Variants in DOCK4 observed in about 807,000 individuals in gnomAD.
DOCK4 encodes the protein dedicator of cytokinesis protein 4.
Under a neutral mutation model 268.1 loss-of-function variants are expected in DOCK4, and 97 were observed. That is an observed-to-expected ratio of 0.36 (90% CI 0.31 to 0.43). DOCK4 has a LOEUF of 0.43. Among genes scored for constraint, DOCK4 ranks in the 20% least tolerant of loss-of-function variants. The pLI, the probability that DOCK4 is intolerant of heterozygous loss-of-function variation, is 1.00. For missense variants in DOCK4, 2,145 were observed against 2,455.7 expected (o/e 0.87, Z 2.67); for synonymous variants, 954 against 887.2 (o/e 1.08, Z -1.34).
intron 1 of DOCK4, among the ~76,000 whole-genome samples, chr7:112,114,763 A>G (rs1179683917): frequency 6.6e-6 from 1 of 152,246 alleles, no homozygotes; most frequent in Non-Finnish European, 1.5e-5. Context: ...AAAAAGAGGT[A>G]AAAATTACAA....
At chr7:111,888,630 GA>G (rs1461364157) in intron 16 of DOCK4, among the ~76,000 whole-genome samples, 1 of 151,988 alleles carries the variant, frequency 6.6e-6, no homozygotes, top group Non-Finnish European at 1.5e-5. Context: ...AAAACAAGAG[GA>G]CAGGAAGTTG....
intron 13 of DOCK4, among the ~76,000 whole-genome samples, chr7:111,902,917 G>A (rs539015955): frequency 3.5e-4 from 53 of 152,122 alleles, no homozygotes; most frequent in Non-Finnish European, 2.8e-4. Context: ...CTACAGGTGC[G>A]TGCCACCACG....
chr7:112,050,782 C>A (rs1159067652), intron 1 of DOCK4, among the ~76,000 whole-genome samples: 2 of 152,058 alleles, frequency 1.3e-5, no homozygotes, highest in South Asian at 2.1e-4. Flanking sequence ...GATTTTTTTA[C>A]TGATTTGAAA....
At chr7:112,143,287 G>A (rs990294512) in intron 1 of DOCK4, among the ~76,000 whole-genome samples, 4 of 152,044 alleles carry the variant, frequency 2.6e-5, no homozygotes, top group African/African-American at 9.7e-5. Context: ...TAGCTCCAGG[G>A]CCCTCCATCC....
intron 1 of DOCK4, among the ~76,000 whole-genome samples, chr7:112,054,866 A>G (rs1015172673): frequency 6.6e-6 from 1 of 152,260 alleles, no homozygotes; most frequent in Non-Finnish European, 1.5e-5. Flanking sequence ...CTTAATATAG[A>G]AAGTTAAAAT....
At chr7:112,176,276 G>A (rs975710316) in intron 1 of DOCK4, among the ~76,000 whole-genome samples, 4 of 152,212 alleles carry the variant, frequency 2.6e-5, no homozygotes, top group Middle Eastern at 6.8e-3. Flanking sequence ...AGTTGAGATC[G>A]GGAAACAGAA....
In DOCK4 at chr7:111,868,053, C is replaced by A; in HGVS notation, c.2211G>T (p.Glu737Asp). 6.2e-7 allele frequency: 1 copy of A among 1,613,540 alleles called. No homozygotes were observed. Among genetic ancestry groups the A allele is most frequent in the Non-Finnish European group, 8.5e-7 (1 of 1,179,662 alleles). The change falls in exon 22 of 53, where the codon GAG becomes GAT. Residue 737 changes from glutamate to aspartate, a missense_variant. Coordinates refer to ENST00000428084, the MANE Select transcript of DOCK4 (RefSeq NM_001363540.2). ...GAAAGAAACGGACTGACATGAGAAG[C>A]TCCTGAATGCAGCAGCGGAACTCCT... ...NEEEFRCCIQ[E>D]LLMSVRFFLS... is the part of the protein sequence containing the mutation.
At chr7:111,767,140 C>A in intron 37 of DOCK4, 22 bp from the exon 38 acceptor site, 1 of 1,592,832 alleles carries the variant, frequency 6.3e-7, no homozygotes, top group South Asian at 1.1e-5. Context: ...TGAATGAGAT[C>A]AATGGAACCA....
At chr7:111,930,128 C>T (rs2134662739) in intron 12 of DOCK4, among the ~76,000 whole-genome samples, 1 of 152,264 alleles carries the variant, frequency 6.6e-6, no homozygotes, top group East Asian at 1.9e-4. Flanking sequence ...CACAACATTG[C>T]CTTTGGATTT....
intron 43 of DOCK4, among the ~76,000 whole-genome samples, chr7:111,746,836 TTTTTTA>T (rs1442812098): frequency 9.0e-5 from 7 of 77,386 alleles, no homozygotes; most frequent in African/African-American, 1.3e-4. Flanking sequence ...TTTTTTTTTT[TTTTTTA>T]AATAAGAGAT....
At chr7:111,863,330 G>T in intron 23 of DOCK4, 42 bp downstream of exon 23, 1 of 1,608,672 alleles carries the variant, frequency 6.2e-7, no homozygotes, top group South Asian at 1.1e-5. Flanking sequence ...TATACAAAAT[G>T]GCTTTTCAGA....
At chr7:112,145,822 GA>G (rs59721404) in intron 1 of DOCK4, among the ~76,000 whole-genome samples, 52,266 of 148,370 alleles carry the variant, frequency 0.35, 9,710 homozygotes, top group Non-Finnish European at 0.42. Flanking sequence ...TTACTTGGAA[GA>G]AAAAAAAAAA....
chr7:111,974,118 C>A (rs1039998513), intron 8 of DOCK4, among the ~76,000 whole-genome samples: 6 of 152,090 alleles, frequency 3.9e-5, no homozygotes, highest in Non-Finnish European at 1.5e-5. Flanking sequence ...ACTGCAGAGA[C>A]AAGAGCCAAG....
chr7:112,205,031 G>A (rs1159127938), intron 1 of DOCK4, among the ~76,000 whole-genome samples: 3 of 152,046 alleles, frequency 2.0e-5, no homozygotes, highest in Non-Finnish European at 2.9e-5. Context: ...CAGCCTTGTC[G>A]GAGAGCCTGG....
chr7:111,980,455 G>T (rs1006938671), intron 7 of DOCK4, among the ~76,000 whole-genome samples: 1 of 152,172 alleles, frequency 6.6e-6, no homozygotes, highest in Non-Finnish European at 1.5e-5. Context: ...AGTTGAACTA[G>T]CTCTTTGATT....
intron 25 of DOCK4, among the ~76,000 whole-genome samples, chr7:111,836,002 C>G (rs1374962584): frequency 6.6e-6 from 1 of 152,118 alleles, no homozygotes; most frequent in Non-Finnish European, 1.5e-5. Flanking sequence ...AAACATCCTT[C>G]AAGCTCAACA....
At chr7:111,826,304 A>G (rs1802380742) in intron 26 of DOCK4, among the ~76,000 whole-genome samples, 1 of 152,194 alleles carries the variant, frequency 6.6e-6, no homozygotes, top group African/African-American at 2.4e-5. Context: ...GGATAAATAA[A>G]AGATAGACAT....
chr7:111,820,948 A>G (rs1003688279), intron 27 of DOCK4: 4 of 152,204 alleles, frequency 2.6e-5, no homozygotes, highest in African/African-American at 7.2e-5. Context: ...AATCTGTAGC[A>G]TGCGGACAAC....
chr7:111,916,203 G>A (rs959681411), intron 12 of DOCK4, among the ~76,000 whole-genome samples: 3 of 152,050 alleles, frequency 2.0e-5, no homozygotes, highest in African/African-American at 4.8e-5. Flanking sequence ...GGTGGAGCAC[G>A]TTCCTGCGCC....
Sources: gnomAD v4.1 joint callset for allele counts (sites outside exome capture counted in the v4.1 genomes callset) on GRCh38, gnomAD v4.1.1 for gene constraint, MANE v1.5 for transcripts, NCBI Gene and HGNC (gene_info 2026-07-23, HGNC 2026-07-21) for gene names.